GPC6: variants seen among roughly 807,000 people sequenced by gnomAD.
GPC6 encodes the protein glypican 6, also known as glypican-6.
GPC6 carries 14 observed loss-of-function variants against 55.2 expected under a neutral mutation model. The observed-to-expected ratio is 0.25, with a 90% CI of 0.17 to 0.40. The LOEUF (loss-of-function observed/expected upper bound fraction) is 0.40, where lower values mean the gene tolerates loss of function less well. GPC6 is among the 10% of genes least tolerant of loss of function. The pLI, the probability that GPC6 is intolerant of heterozygous loss-of-function variation, is 1.00. For missense variants in GPC6, 641 were observed against 708.5 expected (o/e 0.90, Z 1.08); for synonymous variants, 278 against 259.6 (o/e 1.07, Z -0.68).
chr13:93,943,354 G>A (rs953657234), intron 3 of GPC6, among the ~76,000 whole-genome samples: 6 of 152,226 alleles, frequency 3.9e-5, no homozygotes, highest in Middle Eastern at 3.4e-3. Context: ...AACCCAATGA[G>A]ATGCGTACCC....
At chr13:93,917,739 A>G (rs1364080093) in intron 3 of GPC6, among the ~76,000 whole-genome samples, 1 of 152,228 alleles carries the variant, frequency 6.6e-6, no homozygotes, top group African/African-American at 2.4e-5. Flanking sequence ...CCCCAGCCAC[A>G]TGAGAACCCT....
intron 3 of GPC6, among the ~76,000 whole-genome samples, chr13:93,966,904 C>T (rs1247806232): frequency 1.3e-5 from 2 of 152,094 alleles, no homozygotes; most frequent in Admixed American, 1.3e-4. Flanking sequence ...ATTCTCCTGC[C>T]TAGACCTTTC....
chr13:93,632,640 A>ATAAAATG, intron 2 of GPC6, among the ~76,000 whole-genome samples: 1 of 73,042 alleles, frequency 1.4e-5, no homozygotes, highest in Non-Finnish European at 4.1e-5. Flanking sequence ...TATATATAAT[A>ATAAAATG]AAATAAAAAC....
chr13:93,222,696 C>T (rs189926557), upstream of GPC6, among the ~76,000 whole-genome samples: 1 of 152,330 alleles, frequency 6.6e-6, no homozygotes, highest in African/African-American at 2.4e-5. Flanking sequence ...TATTCACTGT[C>T]TCTTGCCTTT....
intron 2 of GPC6, among the ~76,000 whole-genome samples, chr13:93,705,108 A>G (rs542206177): frequency 6.6e-6 from 1 of 152,090 alleles, no homozygotes; most frequent in Non-Finnish European, 1.5e-5. Context: ...TTTGGTACAT[A>G]AAATATGAAT....
intron 1 of GPC6, among the ~76,000 whole-genome samples, chr13:93,412,408 C>A (rs1033458646): frequency 6.6e-6 from 1 of 152,162 alleles, no homozygotes; most frequent in African/African-American, 2.4e-5. Context: ...GTAATCCCAG[C>A]ACTTTGAGAG....
chr13:94,203,752 CT>C (rs1566539574), intron 4 of GPC6, among the ~76,000 whole-genome samples: 1 of 152,102 alleles, frequency 6.6e-6, no homozygotes, highest in African/African-American at 2.4e-5. Flanking sequence ...ACTATTAAAT[CT>C]GTACGTTTCT....
intron 4 of GPC6, among the ~76,000 whole-genome samples, chr13:94,197,034 G>GTT (rs147266802): frequency 3.3e-5 from 5 of 151,788 alleles, no homozygotes; most frequent in South Asian, 2.1e-4. Flanking sequence ...CAAAATGTGG[G>GTT]TTTTTTTTAA....
chr13:94,305,546 C>T (rs1875899062), intron 5 of GPC6, among the ~76,000 whole-genome samples: 1 of 152,038 alleles, frequency 6.6e-6, no homozygotes, highest in African/African-American at 2.4e-5. Flanking sequence ...CTACATAGAC[C>T]ACAAAGAGAA....
intron 1 of GPC6, among the ~76,000 whole-genome samples, chr13:93,383,936 ATATAT>A (rs377074814): frequency 1.1e-3 from 165 of 152,202 alleles, no homozygotes; most frequent in African/African-American, 3.6e-3. Context: ...TTATAAAACA[ATATAT>A]TATATTTCAC....
intron 6 of GPC6, among the ~76,000 whole-genome samples, chr13:94,374,115 A>T (rs1879720256): frequency 6.6e-6 from 1 of 152,162 alleles, no homozygotes; most frequent in Non-Finnish European, 1.5e-5. Flanking sequence ...AAATCATGCC[A>T]AAGTGTAAAG....
chr13:94,288,730 AT>A (rs1874684140), intron 5 of GPC6, among the ~76,000 whole-genome samples: 1 of 134,842 alleles, frequency 7.4e-6, no homozygotes. Flanking sequence ...TGTTATATAT[AT>A]ATAACAAATA....
intron 3 of GPC6, among the ~76,000 whole-genome samples, chr13:93,952,543 CTT>C (rs1327519667): frequency 6.6e-6 from 1 of 151,734 alleles, no homozygotes; most frequent in African/African-American, 2.4e-5. Flanking sequence ...TATCATTTAT[CTT>C]TTATTTTTGA....
intron 2 of GPC6, among the ~76,000 whole-genome samples, chr13:93,570,544 A>T (rs943522187): frequency 6.6e-6 from 1 of 152,268 alleles, no homozygotes; most frequent in Admixed American, 6.5e-5. Context: ...TGAAGATGAG[A>T]GACAAAGAGA....
intron 5 of GPC6, among the ~76,000 whole-genome samples, chr13:94,305,714 T>C (rs1875907484): frequency 6.6e-6 from 1 of 152,142 alleles, no homozygotes; most frequent in African/African-American, 2.4e-5. Context: ...AGTAAGCAAA[T>C]TTGCAAATAT....
intron 3 of GPC6, among the ~76,000 whole-genome samples, chr13:93,860,331 G>GACATTAAATACTTTCATGCATTTT (rs1888769699): frequency 6.6e-6 from 1 of 151,580 alleles, no homozygotes; most frequent in Non-Finnish European, 1.5e-5. Context: ...GCTCACAGTA[G>GACATTAAATACTTTCATGCATTTT]ACATTAAATA....
chr13:93,278,049 T>G (rs895070698), intron 1 of GPC6, among the ~76,000 whole-genome samples: 1 of 152,188 alleles, frequency 6.6e-6, no homozygotes, highest in Non-Finnish European at 1.5e-5. Flanking sequence ...AATATTTGTT[T>G]TCAACAGTAA....
At chr13:93,237,918 G>C (rs776267216) in intron 1 of GPC6, among the ~76,000 whole-genome samples, 2 of 152,138 alleles carry the variant, frequency 1.3e-5, no homozygotes, top group Admixed American at 6.5e-5. Context: ...CTGTTCTATT[G>C]GTCTATGTGT....
chr13:94,073,840 CA>C, intron 4 of GPC6, among the ~76,000 whole-genome samples: 1 of 152,114 alleles, frequency 6.6e-6, no homozygotes, highest in East Asian at 1.9e-4. Flanking sequence ...ACAACAACAA[CA>C]AAAAATGACA....
Sources: gnomAD v4.1 joint callset for allele counts (sites outside exome capture counted in the v4.1 genomes callset) on GRCh38, gnomAD v4.1.1 for gene constraint, MANE v1.5 for transcripts, NCBI Gene and HGNC (gene_info 2026-07-23, HGNC 2026-07-21) for gene names.